The following AP4M1 variants were observed in gnomAD, a reference collection of about 807,000 sequenced individuals.
The protein encoded by AP4M1 is adaptor related protein complex 4 subunit mu 1, also known as AP-4 complex subunit mu-1.
A neutral mutation model predicts 62.4 loss-of-function variants in AP4M1; 58 were observed. The observed-to-expected ratio is 0.93, with a 90% CI of 0.75 to 1.16. The LOEUF (loss-of-function observed/expected upper bound fraction) is 1.16, where lower values mean the gene tolerates loss of function less well. Ranked by LOEUF, AP4M1 falls within the 50% of genes most tolerant of loss-of-function variation. AP4M1 has a pLI of 0.00. For synonymous variants in AP4M1, 290 were observed against 239.7 expected, an observed-to-expected ratio of 1.21 and a Z score of -1.94; for missense variants, 626 against 585.4, an observed-to-expected ratio of 1.07 and a Z score of -0.72.
In AP4M1 at chr7:100,107,000, T is replaced by C; in HGVS notation, c.*118T>C. The C allele has an allele frequency of 7.6e-7, 1 of 1,319,172 alleles. No individual in the cohort carries two copies. Among genetic ancestry groups the C allele is most frequent in the East Asian group, 2.5e-5 (1 of 39,822 alleles). The allele number at this position is 1,319,172 out of a possible 1,614,324, so 81.7% of individuals were successfully genotyped here. A position where few individuals can be genotyped will look rare whatever the true frequency, so the allele number is the denominator to read the frequency against. On this transcript the variant is annotated 3_prime_UTR_variant, in exon 15 of 15. Coordinates refer to ENST00000359593, the MANE Select transcript of AP4M1 (RefSeq NM_004722.4). Reference sequence around the variant, plus strand: ...GAATCTGGGCAGGAAGAGTCCTCAGTCCCAAGACCAGGAGGGGGCAATGGG... The same window carrying C: ...GAATCTGGGCAGGAAGAGTCCTCAGCCCCAAGACCAGGAGGGGGCAATGGG...
chr7:100,106,792 C>T lies in AP4M1; in HGVS notation c.1272C>T (p.Leu424=), dbSNP rs370025423. The T allele has an allele frequency of 6.2e-7, 1 of 1,614,098 alleles. No individual in the cohort carries two copies. The highest frequency in any genetic ancestry group is 1.1e-5 in the South Asian group (1 of 91,092). Residue 424 remains leucine, a synonymous_variant, in exon 15 of 15, where the codon CTC becomes CTT. Coordinates refer to ENST00000359593, the MANE Select transcript of AP4M1 (RefSeq NM_004722.4). ...HTCSGLQVRF[L]RLAFRPCGNA... Reference sequence around the variant, plus strand: ...GCTCTGGCCTCCAGGTCCGATTCCTCAGGCTGGCCTTCAGGCCATGCGGCA... The same window carrying T: ...GCTCTGGCCTCCAGGTCCGATTCCTTAGGCTGGCCTTCAGGCCATGCGGCA...
At chr7:100,106,551 A>T (rs755301736) in intron 14 of AP4M1, 37 bp downstream of exon 14, 3 of 1,598,060 alleles carry the variant, frequency 1.9e-6, no homozygotes, top group African/African-American at 2.7e-5. Flanking sequence ...CTCCTCCCAC[A>T]TTCACTTGCA....
chr7:100,100,795 C>A, upstream of AP4M1: 2 of 995,554 alleles, frequency 2.0e-6, no homozygotes, highest in Non-Finnish European at 2.4e-6. Context: ...CCCGGCTCCA[C>A]TTCCGCTCGG....
At position 100,104,013 on chromosome 7, in the gene AP4M1, C is replaced by T. The variant is rs191029175; in HGVS notation, c.544-79C>T. On this transcript the variant is annotated intron_variant, in intron 6 of 14. Coordinates refer to ENST00000359593, the MANE Select transcript of AP4M1 (RefSeq NM_004722.4). ...CCCTAGAGCTGTAGCTTTGACTGTC[C>T]TGTTCTTTCTCCCTGTCTGTCCATT... 48 of 1,294,450 alleles carry T rather than the reference C, an allele frequency of 3.7e-5. No homozygotes were observed. In the East Asian group the frequency reaches 5.1e-4, roughly 14 times the overall value. 80.2% of individuals were successfully genotyped at this position (1,294,450 alleles called of 1,614,324 possible). A position where few individuals can be genotyped will look rare whatever the true frequency, so the allele number is the denominator to read the frequency against.
chr7:100,106,931 G>A lies in AP4M1; in HGVS notation c.*49G>A. ...GGCCAAGGTGGCAGTTTGTCCCACGGGAGGACAGTCGTTTCTTTTCCAGCC... is the reference window on the plus strand; with the variant it reads ...GGCCAAGGTGGCAGTTTGTCCCACGAGAGGACAGTCGTTTCTTTTCCAGCC... On this transcript the variant is annotated 3_prime_UTR_variant, in exon 15 of 15. Transcript: ENST00000359593. The A allele has an allele frequency of 6.4e-7, 1 of 1,574,106 alleles. No homozygotes were observed. The highest frequency in any genetic ancestry group is 2.3e-5 in the East Asian group (1 of 43,534).
upstream of AP4M1, chr7:100,101,092 C>T (rs1293588346): frequency 8.8e-6 from 7 of 796,974 alleles, no homozygotes; most frequent in African/African-American, 1.7e-5. Context: ...TGGCCCCCCG[C>T]ACGCTTCCCA....
chr7:100,103,407 A>G lies in AP4M1; in HGVS notation c.352-2A>G, dbSNP rs769952838. 1.9e-5 allele frequency: 31 copies of G among 1,612,746 alleles called. No homozygotes were observed. The highest frequency in any genetic ancestry group is 2.5e-5 in the Non-Finnish European group (29 of 1,178,890). ...CTCAGACTGTCCTTCCTTTACCACT[A>G]GGACTATGGCTATGTACAGACCACA... On this transcript the variant is annotated splice_acceptor_variant, in intron 4 of 14. Transcript: ENST00000359593. LOFTEE classifies it high-confidence loss of function.
At chr7:100,103,181 C>T in intron 4 of AP4M1, 1 of 652,936 alleles carries the variant, frequency 1.5e-6, no homozygotes, top group Non-Finnish European at 2.7e-6. Flanking sequence ...AAGCCGTCCT[C>T]CTGCCCCAGC....
At position 100,104,103 on chromosome 7, in the gene AP4M1, T is replaced by C; in HGVS notation, c.555T>C (p.Asn185=). The C allele has an allele frequency of 6.2e-7, 1 of 1,614,070 alleles. No individual in the cohort carries two copies. The highest frequency in any genetic ancestry group is 8.5e-7 in the Non-Finnish European group (1 of 1,179,988). ...TCTCTCTTTCTCAGAGCCAAAAGAA[T>C]GAAGTTTTTTTGGATGTGGTCGAGA... is the stretch of plus-strand genomic sequence containing the variant. The part of the protein sequence containing the change: ...LSSRSDQSQK[N]EVFLDVVERL... Residue 185 remains asparagine (N), a synonymous_variant, in exon 7 of 15, where the codon AAT becomes AAC. Coordinates refer to ENST00000359593, the MANE Select transcript of AP4M1 (RefSeq NM_004722.4).
rs1391181029 is a variant in AP4M1, at chr7:100,107,715, C to T, written c.*833C>T. The T allele has an allele frequency of 3.3e-6, 5 of 1,525,846 alleles. No homozygotes were observed. The highest frequency in any genetic ancestry group is 1.4e-5 in the African/African-American group (1 of 71,574). 94.5% of individuals were successfully genotyped at this position (1,525,846 alleles called of 1,614,324 possible). A position where few individuals can be genotyped will look rare whatever the true frequency, so the allele number is the denominator to read the frequency against. ...ACGCTTCACTCGCTCCCTGCCTGAA[C>T]AAGTTGTTCCTGTAGTTCACCCTGT... On this transcript the variant is annotated 3_prime_UTR_variant, in exon 15 of 15. Coordinates refer to ENST00000359593, the MANE Select transcript of AP4M1 (RefSeq NM_004722.4).
Position 100,106,484 on chromosome 7 carries a change from A to T in AP4M1, c.1107A>T (p.Gln369His). 1 of 1,613,774 alleles carries T rather than the reference A, an allele frequency of 6.2e-7. No homozygotes were observed. The highest frequency in any genetic ancestry group is 8.5e-7 in the Non-Finnish European group (1 of 1,180,014). ...GALRWDLPRV[Q>H]GGSQLSGLFQ... is the part of the protein sequence containing the mutation. Reference sequence around the variant, plus strand: ...TTCGCTGGGACCTGCCTCGGGTGCAAGGAGGCTCTCAACTCTCAGGCCTTT... The same window carrying T: ...TTCGCTGGGACCTGCCTCGGGTGCATGGAGGCTCTCAACTCTCAGGCCTTT... Residue 369 changes from glutamine (Q) to histidine (H), a missense_variant, in exon 14 of 15, where the codon CAA (glutamine) becomes CAT (histidine). Physicochemically the swap from Gln to His is conservative, Grantham distance 24 (BLOSUM62 0). Transcript: ENST00000359593.
Position 100,107,875 on chromosome 7 carries a change from CT to C in AP4M1, c.*994del. The C allele has an allele frequency of 6.4e-7, 1 of 1,559,886 alleles. No individual in the cohort carries two copies. Among genetic ancestry groups the C allele is most frequent in the South Asian group, 1.2e-5 (1 of 81,708 alleles). On this transcript the variant is annotated 3_prime_UTR_variant, in exon 15 of 15. Coordinates refer to ENST00000359593, the MANE Select transcript of AP4M1 (RefSeq NM_004722.4). ...TACTCCTGGGCCTCCCCAGGGTGCT[CT>C]GAGGTAACCCAGGCCCTCCAGATGC... is the stretch of plus-strand genomic sequence containing the variant.
chr7:100,106,147 G>T, intron 12 of AP4M1, 94 bp from the exon 13 acceptor site: 3 of 1,550,312 alleles, frequency 1.9e-6, no homozygotes, highest in African/African-American at 1.4e-5. Flanking sequence ...AAGGTGGGGG[G>T]CACCTGTGCT....
upstream of AP4M1, chr7:100,101,477 C>A: frequency 1.2e-6 from 1 of 836,538 alleles, no homozygotes; most frequent in South Asian, 1.6e-5. Flanking sequence ...TCACCTCCCG[C>A]TAGCCGCAAG....
Position 100,107,309 on chromosome 7 carries a change from A to G in AP4M1, c.*427A>G. 1.3e-6 allele frequency: 2 copies of G among 1,529,822 alleles called. No individual in the cohort carries two copies. Among genetic ancestry groups the G allele is most frequent in the African/African-American group, 2.8e-5 (2 of 72,216 alleles). The allele number at this position is 1,529,822 out of a possible 1,614,324, so 94.8% of individuals were successfully genotyped here. A position where few individuals can be genotyped will look rare whatever the true frequency, so the allele number is the denominator to read the frequency against. Reference sequence around the variant, plus strand: ...AGCCATTGGCTTTTGGAGTCCCTGGAGCTGGAGGGGGACTGTCCCCAGCCT... The same window carrying G: ...AGCCATTGGCTTTTGGAGTCCCTGGGGCTGGAGGGGGACTGTCCCCAGCCT... On this transcript the variant is annotated 3_prime_UTR_variant, in exon 15 of 15. Coordinates refer to ENST00000359593, the MANE Select transcript of AP4M1 (RefSeq NM_004722.4).
At chr7:100,102,077 C>T in intron 2 of AP4M1, 109 bp downstream of exon 2, 3 of 1,282,208 alleles carry the variant, frequency 2.3e-6, no homozygotes, top group Middle Eastern at 2.3e-4. Context: ...GGGGTGCATT[C>T]CGCCAAATAA....
rs1796184822 is a variant in AP4M1 at position 100,103,025 on chromosome 7, T to C, written c.351+65T>C. On this transcript the variant is annotated intron_variant, in intron 4 of 14. Transcript: ENST00000359593. ...TCCCCTGAAGATACATCTGCTCTTCTACTGTGGGATGCCGTGGTTAGGAGG... is the reference window on the plus strand; with the variant it reads ...TCCCCTGAAGATACATCTGCTCTTCCACTGTGGGATGCCGTGGTTAGGAGG... 3.6e-5 allele frequency: 49 copies of C among 1,354,684 alleles called. No individual in the cohort carries two copies. The South Asian group carries it at 5.5e-4, about 15-fold the overall frequency. The allele number at this position is 1,354,684 out of a possible 1,614,324, so 83.9% of individuals were successfully genotyped here.
chr7:100,106,530 C>A lies in AP4M1; in HGVS notation c.1137+16C>A. 1 of 1,609,016 alleles carries A rather than the reference C, an allele frequency of 6.2e-7. No homozygotes were observed. Among genetic ancestry groups the A allele is most frequent in the Non-Finnish European group, 8.5e-7 (1 of 1,177,368 alleles). On this transcript the variant is annotated intron_variant, in intron 14 of 14. Transcript: ENST00000359593. The stretch of plus-strand genomic sequence containing the variant: ...CCTTTTCCAGGTATTCGCTGTGGAC[C>A]CCCAGCCCCTCTCCTCCCACATTCA...
At position 100,106,800 on chromosome 7, in the gene AP4M1, C is replaced by T. The variant is rs1048686470; in HGVS notation, c.1280C>T (p.Ala427Val). The change falls in exon 15 of 15, where the codon GCC (alanine) becomes GTC (valine). Residue 427 changes from alanine (A) to valine (V), a missense_variant. Coordinates refer to ENST00000359593, the MANE Select transcript of AP4M1 (RefSeq NM_004722.4). ...CTCCAGGTCCGATTCCTCAGGCTGG[C>T]CTTCAGGCCATGCGGCAATGCCAAC... ...SGLQVRFLRL[A>V]FRPCGNANPH... 1.9e-6 allele frequency: 3 copies of T among 1,614,072 alleles called. No individual in the cohort carries two copies. The African/African-American group carries it at 4.0e-5, about 22-fold the overall frequency.
Sources: allele counts gnomAD v4.1 joint callset, GRCh38; gene constraint gnomAD v4.1.1; transcripts MANE v1.5; gene names NCBI Gene and HGNC (gene_info 2026-07-23, HGNC 2026-07-21).